Variants in NRXN1 observed in about 807,000 individuals in gnomAD.
The protein encoded by NRXN1 is neurexin 1.
Under a neutral mutation model 150.9 loss-of-function variants are expected in NRXN1, and 39 were observed. The ratio of observed to expected loss-of-function variants is 0.26; its 90% CI spans 0.20 to 0.34. The LOEUF (loss-of-function observed/expected upper bound fraction) is 0.34, where lower values mean the gene tolerates loss of function less well. NRXN1 is among the 10% of genes least tolerant of loss of function. NRXN1 has a pLI of 1.00. For missense variants in NRXN1, 1,815 were observed against 1,949.9 expected, an observed-to-expected ratio of 0.93 and a Z score of 1.30; for synonymous variants, 924 against 757.0, an observed-to-expected ratio of 1.22 and a Z score of -3.62.
intron 18 of NRXN1, among the ~76,000 whole-genome samples, chr2:50,166,368 T>G (rs2059690817): frequency 6.7e-6 from 1 of 148,374 alleles, no homozygotes; most frequent in Admixed American, 6.7e-5. Context: ...CCACTAAGAA[T>G]GCCCTCCAGC....
chr2:50,195,838 TATC>T (rs964514818), intron 18 of NRXN1, among the ~76,000 whole-genome samples: 7 of 152,110 alleles, frequency 4.6e-5, no homozygotes, highest in African/African-American at 1.7e-4. Context: ...AATATAATAT[TATC>T]ATAGTTTCTT....
At position 49,920,973 on chromosome 2, in the gene NRXN1, A is replaced by AATGT. The variant is rs1553366024; in HGVS notation, c.*970_*971insACAT. The AATGT allele has an allele frequency of 6.6e-6, 1 of 151,686 alleles. No individual in the cohort carries two copies. The highest frequency in any genetic ancestry group is 2.0e-4 in the East Asian group (1 of 5,118). The allele number at this position is 151,686 out of a possible 1,614,324, so 9.4% of individuals were successfully genotyped here. Reference sequence around the variant, plus strand: ...TACACTGTAATTTCTTTAAAAAATAAAAGTAATTGTGGCAATTTATAATGG... The same window carrying AATGT: ...TACACTGTAATTTCTTTAAAAAATAAATGTAAGTAATTGTGGCAATTTATAATGG... On this transcript the variant is annotated 3_prime_UTR_variant, in exon 23 of 23. Transcript: ENST00000401669.
intron 17 of NRXN1, among the ~76,000 whole-genome samples, chr2:50,308,897 C>T (rs2074909502): frequency 6.6e-6 from 1 of 152,084 alleles, no homozygotes; most frequent in South Asian, 2.1e-4. Flanking sequence ...TCTTGTGTTC[C>T]TCAGCTAAAA....
intron 8 of NRXN1, among the ~76,000 whole-genome samples, chr2:50,564,422 T>C (rs1347748246): frequency 6.6e-6 from 1 of 152,198 alleles, no homozygotes; most frequent in Non-Finnish European, 1.5e-5. Flanking sequence ...AATCTTGATG[T>C]TGACAAAAAT....
At chr2:51,003,885 AT>A (rs1162762682) in intron 2 of NRXN1, among the ~76,000 whole-genome samples, 6 of 151,888 alleles carry the variant, frequency 4.0e-5, no homozygotes, top group Admixed American at 6.6e-5. Flanking sequence ...GATACTGATT[AT>A]TTTCTACTTA....
intron 12 of NRXN1, among the ~76,000 whole-genome samples, chr2:50,523,620 G>T (rs2092858266): frequency 6.6e-6 from 1 of 152,132 alleles, no homozygotes; most frequent in Non-Finnish European, 1.5e-5. Flanking sequence ...AAAAATTGGT[G>T]ATAACTAATA....
rs992483900 is a variant in NRXN1 at position 50,271,897 on chromosome 2, T to C, written c.3365-34927A>G. Among the ~76,000 whole-genome samples the C allele has an allele frequency of 6.6e-5, 10 of 152,170 alleles. No homozygotes were observed. In the South Asian group the frequency reaches 8.3e-4, roughly 13 times the overall value. Reference sequence around the variant, plus strand: ...CCAATCTATGAAGAAGTATTTCCTATGGACTGCACTGAAACTTGGACCTAG... The same window carrying C: ...CCAATCTATGAAGAAGTATTTCCTACGGACTGCACTGAAACTTGGACCTAG... On this transcript the variant is annotated intron_variant, in intron 17 of 22. Coordinates refer to ENST00000401669, the MANE Select transcript of NRXN1 (RefSeq NM_001330078.2).
chr2:50,388,374 T>C (rs771507456), intron 17 of NRXN1, among the ~76,000 whole-genome samples: 1 of 152,176 alleles, frequency 6.6e-6, no homozygotes, highest in Non-Finnish European at 1.5e-5. Flanking sequence ...TTTGACGATC[T>C]TCTAGAGGTC....
chr2:50,827,742 G>C (rs1396859906), intron 5 of NRXN1, among the ~76,000 whole-genome samples: 1 of 151,746 alleles, frequency 6.6e-6, no homozygotes, highest in African/African-American at 2.4e-5. Flanking sequence ...CCTAGGCAGA[G>C]GACCCTGCGG....
At chr2:50,290,736 A>C (rs189505613) in intron 17 of NRXN1, among the ~76,000 whole-genome samples, 23 of 152,268 alleles carry the variant, frequency 1.5e-4, no homozygotes, top group African/African-American at 4.8e-4. Flanking sequence ...GTTTAGGCCA[A>C]CATAGAAATG....
Position 49,922,257 on chromosome 2 carries a change from G to C in NRXN1, c.4217-6C>G, listed in dbSNP as rs1668351545. On this transcript the variant is annotated splice_polypyrimidine_tract_variant and splice_region_variant and intron_variant, in intron 22 of 22. Transcript: ENST00000401669. ...GCCTGCTCGGGTTGGGTTGGCTATA[G>C]AAAAGAGGATGAGAACAAACACAAA... 1 of 1,611,494 alleles carries C rather than the reference G, an allele frequency of 6.2e-7. No individual in the cohort carries two copies. Among genetic ancestry groups the C allele is most frequent in the East Asian group, 2.2e-5 (1 of 44,818 alleles).
At chr2:50,297,699 G>A (rs894283320) in intron 17 of NRXN1, among the ~76,000 whole-genome samples, 10 of 152,134 alleles carry the variant, frequency 6.6e-5, no homozygotes, top group Non-Finnish European at 2.9e-5. Flanking sequence ...TGGGATAACT[G>A]TTTATATTAA....
chr2:50,723,826 C>T (rs1052718599), intron 5 of NRXN1, among the ~76,000 whole-genome samples: 3 of 152,190 alleles, frequency 2.0e-5, no homozygotes, highest in Non-Finnish European at 4.4e-5. Flanking sequence ...TGCATACCAA[C>T]CACTGTGTTT....
At chr2:50,133,532 T>A (rs543838467) in intron 18 of NRXN1, among the ~76,000 whole-genome samples, 1 of 152,286 alleles carries the variant, frequency 6.6e-6, no homozygotes, top group South Asian at 2.1e-4. Flanking sequence ...CCACAGGGAT[T>A]TTTTTAATTT....
At chr2:50,967,017 C>A in intron 2 of NRXN1, among the ~76,000 whole-genome samples, 1 of 151,916 alleles carries the variant, frequency 6.6e-6, no homozygotes. Context: ...TGTCAATAAC[C>A]AGGAAATAAG....
At chr2:50,206,702 T>C (rs1166919072) in intron 18 of NRXN1, among the ~76,000 whole-genome samples, 5 of 152,072 alleles carry the variant, frequency 3.3e-5, no homozygotes, top group Non-Finnish European at 5.9e-5. Context: ...TGTTTTCAGC[T>C]TTGCTCTACT....
In NRXN1 at chr2:50,621,046, A is replaced by G. The variant is rs1174520149; in HGVS notation, c.1158+180T>C. ...AAAACAGAAGTTGACAGGAACAGGT[A>G]AAAAATAAGAAGGTCAACAACAGAT... is the stretch of plus-strand genomic sequence containing the variant. On this transcript the variant is annotated intron_variant, in intron 7 of 22. Coordinates refer to ENST00000401669, the MANE Select transcript of NRXN1 (RefSeq NM_001330078.2). The G allele has an allele frequency of 1.1e-5, 6 of 537,814 alleles. No individual in the cohort carries two copies. In the Admixed American group the frequency reaches 1.5e-4, roughly 13 times the overall value. The allele number at this position is 537,814 out of a possible 1,614,324, so 33.3% of individuals were successfully genotyped here.
At chr2:50,576,925 A>G (rs866040149) in intron 8 of NRXN1, among the ~76,000 whole-genome samples, 2 of 151,992 alleles carry the variant, frequency 1.3e-5, no homozygotes, top group South Asian at 2.1e-4. Context: ...TAAATACTGC[A>G]CCTCTATGAT....
At chr2:49,976,588 CAG>C in intron 21 of NRXN1, among the ~76,000 whole-genome samples, 1 of 151,974 alleles carries the variant, frequency 6.6e-6, no homozygotes, top group Admixed American at 6.6e-5. Context: ...GGAAGGAAGA[CAG>C]AGGGAAGGAC....
Sources: gnomAD v4.1 joint callset for allele counts (sites outside exome capture counted in the v4.1 genomes callset) on GRCh38, gnomAD v4.1.1 for gene constraint, MANE v1.5 for transcripts, NCBI Gene and HGNC (gene_info 2026-07-23, HGNC 2026-07-21) for gene names.